Variants in CFAP54 observed in about 807,000 individuals in gnomAD.
CFAP54 encodes cilia and flagella associated protein 54, also known as cilia- and flagella-associated protein 54.
CFAP54 carries 290 observed loss-of-function variants against 370.4 expected under a neutral mutation model. The observed-to-expected ratio is 0.78, with a 90% CI of 0.71 to 0.86. The LOEUF is 0.86. Ranked by LOEUF, CFAP54 falls within the 40% of genes least tolerant of loss-of-function variation. The pLI is 0.00. For synonymous variants in CFAP54, 1,206 were observed against 1,236.5 expected (o/e 0.98, Z 0.52); for missense variants, 3,399 against 3,528.7 (o/e 0.96, Z 0.93).
At chr12:96,813,306 G>A (rs149649412) in intron 64 of CFAP54, among the ~76,000 whole-genome samples, 74 of 152,240 alleles carry the variant, frequency 4.9e-4, no homozygotes, top group Middle Eastern at 3.4e-3. Flanking sequence ...TCCTTTGGTG[G>A]CACTGTGAAA....
chr12:96,706,765 C>T (rs922879904), intron 47 of CFAP54, among the ~76,000 whole-genome samples: 1 of 151,844 alleles, frequency 6.6e-6, no homozygotes, highest in African/African-American at 2.4e-5. Flanking sequence ...TCCCAAACCT[C>T]AAAGCACTTA....
intron 30 of CFAP54, among the ~76,000 whole-genome samples, chr12:96,628,895 T>C (rs1040999998): frequency 5.3e-5 from 8 of 151,296 alleles, no homozygotes; most frequent in African/African-American, 1.5e-4. Context: ...AGTTTTGCTG[T>C]ACCTGGCTAG....
intron 21 of CFAP54, 51 bp from the exon 22 acceptor site, chr12:96,580,869 C>A: frequency 7.8e-7 from 1 of 1,273,958 alleles, no homozygotes; most frequent in South Asian, 1.8e-5. Flanking sequence ...TTTTAAAAGT[C>A]ATGTTATTTT....
rs547394214 is a variant in CFAP54 at position 96,712,610 on chromosome 12, C to T, written c.6724+3807C>T. On this transcript the variant is annotated intron_variant, in intron 48 of 67. Coordinates refer to ENST00000524981, the MANE Select transcript of CFAP54 (RefSeq NM_001306084.2). Reference sequence around the variant, plus strand: ...ATCACCCTACTGTGCTATCAAACACCAGAATTTATTTCTTCTATCTAATTT... The same window carrying T: ...ATCACCCTACTGTGCTATCAAACACTAGAATTTATTTCTTCTATCTAATTT... 6.6e-5 allele frequency among the ~76,000 whole-genome samples: 10 copies of T among 152,118 alleles called. No homozygotes were observed. The East Asian group carries it at 1.5e-3, about 23-fold the overall frequency.
At chr12:96,657,606 C>G (rs1956936236) in intron 36 of CFAP54, among the ~76,000 whole-genome samples, 1 of 152,130 alleles carries the variant, frequency 6.6e-6, no homozygotes, top group Non-Finnish European at 1.5e-5. Context: ...TTCAGTTGCA[C>G]TAATCACATT....
Position 96,756,450 on chromosome 12 carries a change from T to G in CFAP54, c.7841-8T>G. On this transcript the variant is annotated splice_region_variant and splice_polypyrimidine_tract_variant and intron_variant, in intron 56 of 67. Coordinates refer to ENST00000524981, the MANE Select transcript of CFAP54 (RefSeq NM_001306084.2). ...AAAAACCATCTTTGTATCTTTTTCTTCTTTCAGGCAAAATAGAACGTCAAA... is the reference window on the plus strand; with the variant it reads ...AAAAACCATCTTTGTATCTTTTTCTGCTTTCAGGCAAAATAGAACGTCAAA... 6.5e-7 allele frequency: 1 copy of G among 1,537,366 alleles called. No homozygotes were observed. The highest frequency in any genetic ancestry group is 1.2e-5 in the South Asian group (1 of 83,816).
intron 19 of CFAP54, among the ~76,000 whole-genome samples, chr12:96,573,675 G>T (rs758455491): frequency 5.9e-5 from 9 of 152,184 alleles, no homozygotes; most frequent in Non-Finnish European, 1.3e-4. Flanking sequence ...GGTTGAATGA[G>T]TGAAAAAGTG....
intron 20 of CFAP54, among the ~76,000 whole-genome samples, chr12:96,579,306 T>C (rs978215580): frequency 1.3e-5 from 2 of 152,154 alleles, no homozygotes; most frequent in African/African-American, 4.8e-5. Flanking sequence ...ACCTGAGAAA[T>C]GTTCTTTGGA....
chr12:96,813,858 G>A (rs769868248), intron 64 of CFAP54, among the ~76,000 whole-genome samples: 8 of 152,192 alleles, frequency 5.3e-5, no homozygotes, highest in Non-Finnish European at 1.2e-4. Context: ...GCTGGAACAG[G>A]CGTTGACCTG....
intron 42 of CFAP54, 75 bp downstream of exon 42, chr12:96,685,313 G>A: frequency 7.6e-7 from 1 of 1,321,624 alleles, no homozygotes; most frequent in Non-Finnish European, 1.1e-6. Context: ...GCCATACAAA[G>A]TGCTATGCCT....
intron 5 of CFAP54, among the ~76,000 whole-genome samples, chr12:96,517,552 A>G (rs947466759): frequency 6.6e-6 from 1 of 152,224 alleles, no homozygotes; most frequent in Admixed American, 6.5e-5. Context: ...TCTGAAATAG[A>G]GATTGTTAGG....
chr12:96,677,103 G>A (rs1043835152), intron 39 of CFAP54, among the ~76,000 whole-genome samples: 6 of 151,974 alleles, frequency 3.9e-5, no homozygotes, highest in African/African-American at 1.5e-4. Flanking sequence ...CCTGGGCTCA[G>A]GTGATCCTCC....
chr12:96,750,938 A>G (rs1490161536), intron 55 of CFAP54, among the ~76,000 whole-genome samples: 1 of 152,264 alleles, frequency 6.6e-6, no homozygotes, highest in Non-Finnish European at 1.5e-5. Context: ...ATTATAAAGC[A>G]TAAAATCAGC....
intron 48 of CFAP54, 52 bp downstream of exon 48, chr12:96,708,855 G>A (rs1157746812): frequency 7.1e-7 from 1 of 1,399,798 alleles, no homozygotes; most frequent in East Asian, 2.3e-5. Flanking sequence ...TTCCCTAACT[G>A]TTCTCCCAGC....
chr12:96,802,698 G>T (rs184401651), intron 63 of CFAP54, among the ~76,000 whole-genome samples: 296 of 152,222 alleles, frequency 1.9e-3, no homozygotes, highest in African/African-American at 6.9e-3. Context: ...ATGCAGGTTT[G>T]TTACATAGGT....
chr12:96,793,600 A>C (rs1245107115), intron 63 of CFAP54, among the ~76,000 whole-genome samples: 2 of 151,972 alleles, frequency 1.3e-5, no homozygotes, highest in Admixed American at 1.3e-4. Context: ...CAAATGGTAG[A>C]TCTACTTTTA....
At chr12:96,613,441 A>G (rs1431712490) in intron 26 of CFAP54, among the ~76,000 whole-genome samples, 1 of 152,220 alleles carries the variant, frequency 6.6e-6, no homozygotes, top group Non-Finnish European at 1.5e-5. Flanking sequence ...TTGACACCCT[A>G]GCATCACAAT....
At chr12:96,618,221 G>A (rs1956444034) in intron 26 of CFAP54, among the ~76,000 whole-genome samples, 1 of 152,142 alleles carries the variant, frequency 6.6e-6, no homozygotes. Flanking sequence ...CTTGTGGTTT[G>A]CATCTTGCCA....
chr12:96,805,830 G>T (rs919616667), intron 63 of CFAP54, among the ~76,000 whole-genome samples: 14 of 151,762 alleles, frequency 9.2e-5, no homozygotes, highest in African/African-American at 3.4e-4. Context: ...CAAATATATG[G>T]AATTAACCTA....
Sources: gnomAD v4.1 joint callset for allele counts (sites outside exome capture counted in the v4.1 genomes callset) on GRCh38, gnomAD v4.1.1 for gene constraint, MANE v1.5 for transcripts, NCBI Gene and HGNC (gene_info 2026-07-23, HGNC 2026-07-21) for gene names.